ANXA7: variants seen among roughly 807,000 people sequenced by gnomAD.
ANXA7 encodes annexin A7.
In ANXA7, 55 loss-of-function variants were observed where a neutral mutation model predicts 64.9. The observed-to-expected ratio is 0.85, with a 90% confidence interval of 0.68 to 1.06. ANXA7 has a LOEUF of 1.06. Among genes scored for constraint, ANXA7 ranks in the 50% least tolerant of loss-of-function variants. The pLI, the probability that ANXA7 is intolerant of heterozygous loss-of-function variation, is 0.00. For missense variants in ANXA7, 548 were observed against 582.1 expected, an observed-to-expected ratio of 0.94 and a Z score of 0.60; for synonymous variants, 200 against 192.4, an observed-to-expected ratio of 1.04 and a Z score of -0.33.
At chr10:73,396,386 A>G (rs1326665168) in intron 5 of ANXA7, 133 bp downstream of exon 5, 4 of 689,986 alleles carry the variant, frequency 5.8e-6, no homozygotes, top group Non-Finnish European at 2.5e-6. Context: ...TATGGAGTCT[A>G]TCAGAAGTAA....
chr10:73,376,354 T>A, intron 12 of ANXA7, 137 bp from the exon 13 acceptor site: 2 of 795,112 alleles, frequency 2.5e-6, no homozygotes, highest in Non-Finnish European at 3.7e-6. Flanking sequence ...ATTTTATGGC[T>A]GGCACTCATA....
intron 1 of ANXA7, among the ~76,000 whole-genome samples, chr10:73,404,592 A>G (rs760102619): frequency 6.6e-5 from 10 of 152,150 alleles, no homozygotes; most frequent in East Asian, 1.9e-4. Flanking sequence ...TCAGGAGTTG[A>G]TAACTGCTCA....
At chr10:73,394,021 TCAAA>T (rs1448955812) in intron 5 of ANXA7, among the ~76,000 whole-genome samples, 4 of 151,426 alleles carry the variant, frequency 2.6e-5, no homozygotes, top group Non-Finnish European at 4.4e-5. Context: ...AAGAAAAAAA[TCAAA>T]CAACCCCATC....
At chr10:73,392,124 C>T (rs367718560) in intron 5 of ANXA7, among the ~76,000 whole-genome samples, 4 of 152,220 alleles carry the variant, frequency 2.6e-5, no homozygotes, top group African/African-American at 7.2e-5. Context: ...TTCCTGGACA[C>T]ATACACCCTC....
chr10:73,378,377 CA>C (rs755093944), intron 12 of ANXA7, among the ~76,000 whole-genome samples: 1,724 of 63,154 alleles, frequency 0.027, 6 homozygotes, highest in African/African-American at 0.032. Context: ...GACCATGTCT[CA>C]AAAAAAAAAA....
chr10:73,376,340 T>A, intron 12 of ANXA7, 123 bp from the exon 13 acceptor site: 2 of 893,080 alleles, frequency 2.2e-6, no homozygotes, highest in Non-Finnish European at 3.2e-6. Context: ...ACCAAGTGAC[T>A]GACATTTTAT....
chr10:73,413,346 T>C (rs199586444), intron 1 of ANXA7, among the ~76,000 whole-genome samples: 32 of 152,304 alleles, frequency 2.1e-4, no homozygotes, highest in African/African-American at 7.7e-4. Flanking sequence ...TTTACGGCAG[T>C]CGGAAGACAA....
At chr10:73,384,360 A>G (rs905243848) in intron 7 of ANXA7, among the ~76,000 whole-genome samples, 1 of 152,154 alleles carries the variant, frequency 6.6e-6, no homozygotes, top group African/African-American at 2.4e-5. Context: ...TCTTGGTTCT[A>G]TGAGGAAGTA....
intron 5 of ANXA7, among the ~76,000 whole-genome samples, chr10:73,390,720 A>G (rs1014671251): frequency 1.8e-5 from 2 of 112,624 alleles, no homozygotes; most frequent in Non-Finnish European, 3.4e-5. Flanking sequence ...ATATATATAT[A>G]AAAATATATA....
chr10:73,410,126 C>T (rs112968920), intron 1 of ANXA7, among the ~76,000 whole-genome samples: 7,082 of 152,010 alleles, frequency 0.047, 507 homozygotes, highest in African/African-American at 0.15. Flanking sequence ...ACCCCAAAAA[C>T]AAACGCAACA....
At chr10:73,390,693 A>AATAT (rs142703167) in intron 5 of ANXA7, among the ~76,000 whole-genome samples, 3,256 of 127,374 alleles carry the variant, frequency 0.026, 71 homozygotes, top group African/African-American at 0.055. Flanking sequence ...TCTTTTGTAA[A>AATAT]ATATATATAT....
At chr10:73,376,946 C>T (rs1237205570) in intron 12 of ANXA7, among the ~76,000 whole-genome samples, 2 of 152,148 alleles carry the variant, frequency 1.3e-5, no homozygotes, top group African/African-American at 2.4e-5. Flanking sequence ...ACCAATATGA[C>T]GTACCTAGAG....
At position 73,375,861 on chromosome 10, in the gene ANXA7, C is replaced by A; in HGVS notation, c.*234G>T. On this transcript the variant is annotated 3_prime_UTR_variant, in exon 13 of 13. Transcript: ENST00000372921. Reference sequence around the variant, plus strand: ...TAAGAATGAAGGTTTACAAACATTGCAATATTACTGTATCATTGTGATATG... The same window carrying A: ...TAAGAATGAAGGTTTACAAACATTGAAATATTACTGTATCATTGTGATATG... The A allele has an allele frequency of 3.4e-6, 1 of 298,378 alleles. No homozygotes were observed. The highest frequency in any genetic ancestry group is 6.1e-6 in the Non-Finnish European group (1 of 163,876). 18.5% of individuals were successfully genotyped at this position (298,378 alleles called of 1,614,324 possible). A position where few individuals can be genotyped will look rare whatever the true frequency, so the allele number is the denominator to read the frequency against.
intron 1 of ANXA7, among the ~76,000 whole-genome samples, chr10:73,410,739 G>A (rs149522905): frequency 0.047 from 6,836 of 146,208 alleles, 486 homozygotes; most frequent in African/African-American, 0.16. Context: ...CTGAGATCAC[G>A]CCATTGCACT....
In ANXA7 at chr10:73,375,715, G is replaced by A. The variant is rs1381980468; in HGVS notation, c.*380C>T. ...CTATCCACTCTATCAAGCAGACTTA[G>A]AGGGATTCCGGAAGGCAGAGCTTTC... On this transcript the variant is annotated 3_prime_UTR_variant, in exon 13 of 13. Transcript: ENST00000372921. 6.4e-6 allele frequency: 1 copy of A among 155,392 alleles called. No individual in the cohort carries two copies. Among genetic ancestry groups the A allele is most frequent in the Non-Finnish European group, 1.4e-5 (1 of 70,330 alleles). 9.6% of individuals were successfully genotyped at this position (155,392 alleles called of 1,614,324 possible).
chr10:73,396,779 A>G (rs537833209), intron 4 of ANXA7, among the ~76,000 whole-genome samples, 196 bp from the exon 5 acceptor site: 14 of 152,302 alleles, frequency 9.2e-5, no homozygotes, highest in South Asian at 4.1e-4. Flanking sequence ...TTAATATTCC[A>G]TGTTCTACAT....
At position 73,388,360 on chromosome 10, in the gene ANXA7, C is replaced by G. The variant is rs142735473; in HGVS notation, c.490G>C (p.Asp164His). 6.2e-7 allele frequency: 1 copy of G among 1,613,918 alleles called. No homozygotes were observed. The highest frequency in any genetic ancestry group is 1.3e-5 in the African/African-American group (1 of 74,924). ...QGTIRPAANF[D>H]AIRDAEILRK... Reference sequence around the variant, plus strand: ...AGAATTTCTGCATCTCTTATAGCATCGAAGTTGGCAGCTGGTCGGATAGTT... The same window carrying G: ...AGAATTTCTGCATCTCTTATAGCATGGAAGTTGGCAGCTGGTCGGATAGTT... Residue 164 changes from aspartate to histidine, a missense_variant, in exon 6 of 13, where the codon GAT (aspartate) becomes CAT (histidine). Transcript: ENST00000372921.
intron 1 of ANXA7, among the ~76,000 whole-genome samples, chr10:73,406,238 G>T (rs1054607777): frequency 6.6e-6 from 1 of 152,200 alleles, no homozygotes; most frequent in Non-Finnish European, 1.5e-5. Flanking sequence ...TCGCAGGCAT[G>T]AGCCACTGCG....
At chr10:73,385,139 C>T (rs1362245375) in intron 7 of ANXA7, among the ~76,000 whole-genome samples, 1 of 152,158 alleles carries the variant, frequency 6.6e-6, no homozygotes, top group Non-Finnish European at 1.5e-5. Context: ...GGTTTTGCTA[C>T]AGAGGAAGGT....
Sources: gnomAD v4.1 joint callset for allele counts (sites outside exome capture counted in the v4.1 genomes callset) on GRCh38, gnomAD v4.1.1 for gene constraint, MANE v1.5 for transcripts, NCBI Gene and HGNC (gene_info 2026-07-23, HGNC 2026-07-21) for gene names.